The following MELK variants were observed in gnomAD, a reference collection of about 807,000 sequenced individuals.
MELK encodes the protein maternal embryonic leucine zipper kinase, also known as pEg3 kinase.
MELK carries 81 observed loss-of-function variants against 85.0 expected under a neutral mutation model. The observed-to-expected ratio is 0.95, with a 90% confidence interval of 0.80 to 1.15. The LOEUF (loss-of-function observed/expected upper bound fraction) is 1.15, where lower values mean the gene tolerates loss of function less well. Among genes scored for constraint, MELK ranks in the 50% most tolerant of loss-of-function variants. The probability of loss-of-function intolerance (pLI) is 0.00; values close to 1 mark genes in which losing one functional copy is unlikely to be tolerated. For missense variants in MELK, 754 were observed against 777.5 expected (o/e 0.97, Z 0.36); for synonymous variants, 252 against 265.0 (o/e 0.95, Z 0.48).
chr9:36,660,327 TTTG>T (rs1225178467), intron 13 of MELK, among the ~76,000 whole-genome samples: 1 of 152,162 alleles, frequency 6.6e-6, no homozygotes, highest in East Asian at 1.9e-4. Flanking sequence ...TAAATTTTTT[TTTG>T]TTTTTGAGAT....
intron 7 of MELK, 121 bp from the exon 8 acceptor site, chr9:36,607,454 T>C (rs1825668558): frequency 2.7e-6 from 2 of 743,076 alleles, no homozygotes; most frequent in South Asian, 1.8e-5. Flanking sequence ...GTTGAAATGG[T>C]TGATATCTGA....
chr9:36,587,806 C>T (rs550043606), intron 3 of MELK, among the ~76,000 whole-genome samples: 7 of 149,882 alleles, frequency 4.7e-5, no homozygotes, highest in Non-Finnish European at 5.9e-5. Context: ...TACAGAGTCT[C>T]GCTGTGTCCC....
chr9:36,577,944 C>T (rs1251906391), intron 1 of MELK, among the ~76,000 whole-genome samples: 4 of 152,128 alleles, frequency 2.6e-5, no homozygotes, highest in African/African-American at 9.7e-5. Flanking sequence ...TGAGCCACTG[C>T]GCCTGGCTGT....
intron 8 of MELK, among the ~76,000 whole-genome samples, chr9:36,620,419 A>G (rs1285589452): frequency 1.3e-5 from 2 of 152,100 alleles, no homozygotes; most frequent in Admixed American, 6.6e-5. Context: ...TGTTTCCTTC[A>G]TCAGCAGCAT....
chr9:36,596,317 G>A (rs559781283), intron 5 of MELK, among the ~76,000 whole-genome samples: 1 of 150,458 alleles, frequency 6.6e-6, no homozygotes, highest in South Asian at 2.1e-4. Context: ...GTGCAGTGGT[G>A]CGATCTCCGC....
chr9:36,636,790 G>GTCTGTGTGTCTT (rs1475022442), intron 10 of MELK, among the ~76,000 whole-genome samples: 122 of 67,698 alleles, frequency 1.8e-3, no homozygotes, highest in African/African-American at 4.9e-3. Flanking sequence ...CTTTCTGTCT[G>GTCTGTGTGTCTT]TCTTTCTTTC....
In MELK at chr9:36,669,317, C is replaced by T. The variant is rs1587629432; in HGVS notation, c.1416C>T (p.Asn472=). 3 of 1,605,432 alleles carry T rather than the reference C, an allele frequency of 1.9e-6. No individual in the cohort carries two copies. The highest frequency in any genetic ancestry group is 1.7e-5 in the Admixed American group (1 of 58,992). ...NRYTTPSKAR[N]QCLKETPIKI... ...TTGTTCTGTTTCTAATAGCTAGAAA[C>T]CAGTGCCTGAAAGAAACTCCAATTA... Residue 472 remains asparagine, a synonymous_variant, in exon 15 of 18, where the codon AAC becomes AAT. Transcript: ENST00000298048.
At chr9:36,573,996 T>C (rs1821375775) in intron 1 of MELK, among the ~76,000 whole-genome samples, 1 of 152,120 alleles carries the variant, frequency 6.6e-6, no homozygotes, top group South Asian at 2.1e-4. Flanking sequence ...GTTAGTGGAA[T>C]GAGGTGAGTA....
At chr9:36,667,816 G>A (rs556059090) in intron 14 of MELK, among the ~76,000 whole-genome samples, 1 of 152,062 alleles carries the variant, frequency 6.6e-6, no homozygotes, top group East Asian at 1.9e-4. Context: ...TGCCCAGGCT[G>A]GAGTGCAGTG....
At position 36,677,314 on chromosome 9, in the gene MELK, A is replaced by G; in HGVS notation, c.1933A>G (p.Ile645Val). The change falls in exon 18 of 18, where the codon ATC becomes GTC. Residue 645 changes from isoleucine to valine, a missense_variant. Transcript: ENST00000298048. ...GGTTTACAAAAGATTAGTGGAAGAC[A>G]TCCTATCTAGCTGCAAGGTATAATT... ...AWVYKRLVED[I>V]LSSCKV is the part of the protein sequence containing the mutation. The G allele has an allele frequency of 6.2e-7, 1 of 1,613,338 alleles. No homozygotes were observed. Among genetic ancestry groups the G allele is most frequent in the Non-Finnish European group, 8.5e-7 (1 of 1,179,618 alleles).
At position 36,586,505 on chromosome 9, in the gene MELK, G is replaced by T. The variant is rs555856175; in HGVS notation, c.144+2793G>T. ...AGTGGACAATTCAGGCTTTCCTCCAGTTTTTTTGTTTTATTCAATTTTTTG... is the reference window on the plus strand; with the variant it reads ...AGTGGACAATTCAGGCTTTCCTCCATTTTTTTTGTTTTATTCAATTTTTTG... On this transcript the variant is annotated intron_variant, in intron 3 of 17. Transcript: ENST00000298048. Among the ~76,000 whole-genome samples, 38 of 152,050 alleles carry T rather than the reference G, an allele frequency of 2.5e-4. 1 individual carries two copies. Among genetic ancestry groups the T allele is most frequent in the Admixed American group, 2.0e-3 (31 of 15,268 alleles).
chr9:36,654,348 T>TG (rs1831009888), intron 12 of MELK, among the ~76,000 whole-genome samples: 1 of 99,824 alleles, frequency 1.0e-5, no homozygotes, highest in African/African-American at 3.7e-5. Context: ...CATTGGATTG[T>TG]CTTTTTTTTT....
chr9:36,655,588 G>T (rs1187842607), intron 12 of MELK, among the ~76,000 whole-genome samples: 5 of 152,174 alleles, frequency 3.3e-5, no homozygotes, highest in African/African-American at 9.7e-5. Context: ...ATTGATTTGT[G>T]AGCAAGAGAG....
intron 1 of MELK, among the ~76,000 whole-genome samples, chr9:36,581,279 C>T (rs1177108287): frequency 1.3e-5 from 2 of 151,992 alleles, no homozygotes; most frequent in Non-Finnish European, 2.9e-5. Context: ...AAGCTGTCCT[C>T]CCAAGTGGCT....
At chr9:36,654,349 C>CTTTTTTTTTTTTTT (rs34436735) in intron 12 of MELK, among the ~76,000 whole-genome samples, 1 of 84,126 alleles carries the variant, frequency 1.2e-5, no homozygotes. Flanking sequence ...ATTGGATTGT[C>CTTTTTTTTTTTTTT]TTTTTTTTTT....
At chr9:36,632,900 C>T (rs558961126) in intron 9 of MELK, among the ~76,000 whole-genome samples, 1 of 152,166 alleles carries the variant, frequency 6.6e-6, no homozygotes. Flanking sequence ...ATCTTCTAAG[C>T]CTGTGTTGGT....
chr9:36,585,978 T>C (rs1822855486), intron 3 of MELK, among the ~76,000 whole-genome samples: 1 of 152,124 alleles, frequency 6.6e-6, no homozygotes, highest in Non-Finnish European at 1.5e-5. Context: ...TGGAATGAGA[T>C]AGGGCTTAAT....
chr9:36,640,883 G>C (rs1829694699), intron 10 of MELK, among the ~76,000 whole-genome samples: 1 of 152,216 alleles, frequency 6.6e-6, no homozygotes, highest in African/African-American at 2.4e-5. Context: ...GAATTGAGGG[G>C]AAAAATTTGT....
chr9:36,592,952 C>A (rs1187782610), intron 4 of MELK, among the ~76,000 whole-genome samples: 1 of 152,150 alleles, frequency 6.6e-6, no homozygotes. Flanking sequence ...GTAACCATAG[C>A]CACCCTGCCC....
Sources: gnomAD v4.1 joint callset for allele counts (sites outside exome capture counted in the v4.1 genomes callset) on GRCh38, gnomAD v4.1.1 for gene constraint, MANE v1.5 for transcripts, NCBI Gene and HGNC (gene_info 2026-07-23, HGNC 2026-07-21) for gene names.